Variants in ADGRL3 observed in about 807,000 individuals in gnomAD.
ADGRL3 encodes the protein calcium-independent alpha-latrotoxin receptor 3.
ADGRL3 carries 62 observed loss-of-function variants against 153.5 expected under a neutral mutation model. That is an observed-to-expected ratio of 0.40 (90% confidence interval 0.33 to 0.50). The LOEUF is 0.50. ADGRL3 is among the 20% of genes least tolerant of loss of function. ADGRL3 has a pLI of 0.47. For missense variants in ADGRL3, 1,641 were observed against 1,859.4 expected (o/e 0.88, Z 2.16); for synonymous variants, 710 against 672.5 (o/e 1.06, Z -0.86).
chr4:62,006,032 A>ATATATATTT lies in ADGRL3; in HGVS notation c.3395+7768_3395+7769insATATATTTT, dbSNP rs1203029363. Among the ~76,000 whole-genome samples the ATATATATTT allele has an allele frequency of 4.2e-4, 31 of 73,076 alleles. 2 individuals carry two copies. The highest frequency in any genetic ancestry group is 2.4e-3 in the East Asian group (6 of 2,456). The allele number at this position is 73,076 out of a possible 152,430, so 47.9% of individuals were successfully genotyped here. ...TATATATATATATATATATATATAT[A>ATATATATTT]TTTTTTTTTTTTTTTGAGAAAGGGT... On this transcript the variant is annotated intron_variant, in intron 21 of 26. Coordinates refer to ENST00000683033, the MANE Select transcript of ADGRL3 (RefSeq NM_001387552.1).
At chr4:61,249,533 C>T (rs1191920464) in intron 1 of ADGRL3, among the ~76,000 whole-genome samples, 2 of 142,978 alleles carry the variant, frequency 1.4e-5, no homozygotes, top group Admixed American at 7.3e-5. Flanking sequence ...ATCTACATTC[C>T]ATATTGCATG....
At chr4:61,551,977 T>C (rs2098742424) in intron 4 of ADGRL3, among the ~76,000 whole-genome samples, 1 of 152,188 alleles carries the variant, frequency 6.6e-6, no homozygotes, top group Non-Finnish European at 1.5e-5. Context: ...GCCCAAAATG[T>C]AGAGGTTATC....
chr4:61,888,047 G>A (rs2098549492), intron 9 of ADGRL3, among the ~76,000 whole-genome samples: 2 of 152,134 alleles, frequency 1.3e-5, no homozygotes, highest in African/African-American at 4.8e-5. Flanking sequence ...GTTATGAACA[G>A]TAAATTTCAA....
intron 19 of ADGRL3, among the ~76,000 whole-genome samples, chr4:61,985,907 T>TAAA (rs11463550): frequency 1.9e-4 from 27 of 144,348 alleles, no homozygotes; most frequent in African/African-American, 6.0e-4. Context: ...CTAGGATTAG[T>TAAA]AAAAAAAAAA....
chr4:61,627,622 AAAAC>A (rs994481132), intron 5 of ADGRL3, among the ~76,000 whole-genome samples: 13 of 152,108 alleles, frequency 8.5e-5, no homozygotes, highest in African/African-American at 2.7e-4. Flanking sequence ...CTCAATCTAA[AAAAC>A]AAACAAACAA....
At chr4:61,389,333 C>T (rs1158671073) in intron 2 of ADGRL3, among the ~76,000 whole-genome samples, 2 of 152,144 alleles carry the variant, frequency 1.3e-5, no homozygotes, top group East Asian at 1.9e-4. Flanking sequence ...AGGAATGAGT[C>T]GCAGGTTTGA....
At chr4:62,062,235 A>T (rs939803643) in intron 25 of ADGRL3, among the ~76,000 whole-genome samples, 1 of 152,012 alleles carries the variant, frequency 6.6e-6, no homozygotes, top group Non-Finnish European at 1.5e-5. Flanking sequence ...TGCCACTTGT[A>T]TATCCTCTTC....
At chr4:61,509,952 T>C (rs1476991687) in intron 3 of ADGRL3, among the ~76,000 whole-genome samples, 1 of 152,178 alleles carries the variant, frequency 6.6e-6, no homozygotes, top group Admixed American at 6.5e-5. Context: ...TTTTTAATAA[T>C]AGCCATTCTG....
intron 5 of ADGRL3, among the ~76,000 whole-genome samples, chr4:61,603,412 C>T (rs191175063): frequency 1.3e-5 from 2 of 152,256 alleles, no homozygotes; most frequent in East Asian, 3.9e-4. Flanking sequence ...AACAATCCAG[C>T]TTAGGAGTTT....
intron 1 of ADGRL3, among the ~76,000 whole-genome samples, chr4:61,230,626 C>T (rs1008790548): frequency 5.9e-5 from 9 of 152,080 alleles, no homozygotes; most frequent in Non-Finnish European, 1.3e-4. Flanking sequence ...CTCAAGTCAT[C>T]CTCCTGTTTC....
intron 15 of ADGRL3, among the ~76,000 whole-genome samples, chr4:61,937,556 C>CCAAT (rs2098844625): frequency 6.6e-6 from 1 of 151,882 alleles, no homozygotes; most frequent in African/African-American, 2.4e-5. Context: ...CTCCTCTTTC[C>CCAAT]CAATCACTCT....
At chr4:61,207,317 T>A (rs1308052247) in intron 1 of ADGRL3, among the ~76,000 whole-genome samples, 3 of 152,146 alleles carry the variant, frequency 2.0e-5, no homozygotes, top group Non-Finnish European at 2.9e-5. Flanking sequence ...TCTGTTCCTG[T>A]GTTAGTTTGC....
At chr4:61,835,499 T>C (rs757017881) in intron 9 of ADGRL3, among the ~76,000 whole-genome samples, 3 of 152,004 alleles carry the variant, frequency 2.0e-5, no homozygotes, top group Non-Finnish European at 2.9e-5. Flanking sequence ...TAAGCTGATG[T>C]TTAACCATAG....
intron 5 of ADGRL3, among the ~76,000 whole-genome samples, chr4:61,645,751 A>G (rs985697220): frequency 4.0e-5 from 6 of 151,792 alleles, no homozygotes; most frequent in African/African-American, 9.7e-5. Context: ...GGTGAATCTG[A>G]CAATTATGTG....
intron 2 of ADGRL3, among the ~76,000 whole-genome samples, chr4:61,428,839 C>CTA (rs1458736432): frequency 1.7e-4 from 20 of 114,592 alleles, no homozygotes; most frequent in African/African-American, 6.7e-4. Context: ...ATTTATCTAT[C>CTA]TATCTATCTA....
intron 2 of ADGRL3, among the ~76,000 whole-genome samples, chr4:61,387,286 T>TCACAGGAC (rs1435459298): frequency 1.9e-4 from 29 of 152,120 alleles, no homozygotes; most frequent in Non-Finnish European, 3.7e-4. Context: ...CAGGGCAAGA[T>TCACAGGAC]CACAGGACCA....
intron 5 of ADGRL3, among the ~76,000 whole-genome samples, chr4:61,608,494 GA>G (rs1391889624): frequency 6.6e-6 from 1 of 151,258 alleles, no homozygotes; most frequent in African/African-American, 2.4e-5. Context: ...AATGCAAAAG[GA>G]AAAAAAAGCA....
intron 1 of ADGRL3, among the ~76,000 whole-genome samples, chr4:61,311,737 T>C (rs553509799): frequency 6.6e-5 from 10 of 152,252 alleles, no homozygotes; most frequent in South Asian, 2.1e-4. Flanking sequence ...GGTGAAAGAA[T>C]AGTCAGATTC....
At chr4:61,990,229 C>T (rs1272563834) in intron 19 of ADGRL3, among the ~76,000 whole-genome samples, 1 of 151,684 alleles carries the variant, frequency 6.6e-6, no homozygotes, top group Non-Finnish European at 1.5e-5. Flanking sequence ...TTAACACATG[C>T]CATAAAATAC....
Sources: allele counts gnomAD v4.1 joint callset (sites outside exome capture counted in the v4.1 genomes callset), GRCh38; gene constraint gnomAD v4.1.1; transcripts MANE v1.5; gene names NCBI Gene and HGNC (gene_info 2026-07-23, HGNC 2026-07-21).